Variants in TTC28 observed in about 807,000 individuals in gnomAD.
TTC28 encodes tetratricopeptide repeat protein 28.
Under a neutral mutation model 198.0 loss-of-function variants are expected in TTC28, and 61 were observed. The ratio of observed to expected loss-of-function variants is 0.31; its 90% CI spans 0.25 to 0.38. The LOEUF (loss-of-function observed/expected upper bound fraction) is 0.38, where lower values mean the gene tolerates loss of function less well. TTC28 is among the 10% of genes least tolerant of loss of function. TTC28 has a pLI of 1.00. For missense variants in TTC28, 2,678 were observed against 3,164.0 expected (o/e 0.85, Z 3.69); for synonymous variants, 1,171 against 1,297.8 (o/e 0.90, Z 2.10).
chr22:28,091,931 C>T (rs1291474724), intron 12 of TTC28, among the ~76,000 whole-genome samples: 1 of 151,968 alleles, frequency 6.6e-6, no homozygotes, highest in African/African-American at 2.4e-5. Context: ...TAGAGGCTTC[C>T]TTAAGGAGAG....
Position 28,108,341 on chromosome 22 carries a change from A to T in TTC28, c.1504T>A (p.Cys502Ser). Residue 502 changes from cysteine (C) to serine (S), a missense_variant, in exon 7 of 23, where the codon TGC becomes AGC. By Grantham distance (112) the Cys-to-Ser change is moderately radical. This residue lies in a region of TTC28 where 775 missense variants were observed against 845.9 expected (regional missense o/e 0.92). Transcript: ENST00000397906. Reference protein sequence around the residue: ...TALKLHKTHLCIAQELSDYAA... With the variant: ...TALKLHKTHLSIAQELSDYAA... ...TAATCACTCAGCTCCTGGGCAATGCACAGGTGGGTCTTGTGGAGTTTCAGT... is the reference window on the plus strand; with the variant it reads ...TAATCACTCAGCTCCTGGGCAATGCTCAGGTGGGTCTTGTGGAGTTTCAGT... 1 of 1,507,034 alleles carries T rather than the reference A, an allele frequency of 6.6e-7. No homozygotes were observed. The highest frequency in any genetic ancestry group is 8.9e-7 in the Non-Finnish European group (1 of 1,120,478). 93.4% of individuals were successfully genotyped at this position (1,507,034 alleles called of 1,614,324 possible).
intron 4 of TTC28, 129 bp downstream of exon 4, chr22:28,297,451 C>T (rs1356930396): frequency 2.6e-6 from 3 of 1,160,328 alleles, no homozygotes; most frequent in African/African-American, 1.6e-5. Context: ...GCAATCCTCC[C>T]AAAGCACTGG....
chr22:28,364,394 C>T (rs951775158), intron 2 of TTC28, among the ~76,000 whole-genome samples: 2 of 152,086 alleles, frequency 1.3e-5, no homozygotes, highest in Non-Finnish European at 2.9e-5. Context: ...TTGTAAATTG[C>T]CCAGTCTCAG....
At chr22:28,247,894 A>G (rs1355400909) in intron 5 of TTC28, among the ~76,000 whole-genome samples, 1 of 152,176 alleles carries the variant, frequency 6.6e-6, no homozygotes, top group Non-Finnish European at 1.5e-5. Context: ...TGAGTCATTG[A>G]AGGGTTTAAG....
chr22:28,102,547 C>T (rs1041319196), intron 8 of TTC28, among the ~76,000 whole-genome samples: 4 of 152,144 alleles, frequency 2.6e-5, no homozygotes, highest in Non-Finnish European at 5.9e-5. Context: ...CATTATCCTG[C>T]TCACTGTACA....
intron 2 of TTC28, among the ~76,000 whole-genome samples, chr22:28,433,385 C>G (rs2047464032): frequency 6.6e-6 from 1 of 152,002 alleles, no homozygotes; most frequent in African/African-American, 2.4e-5. Flanking sequence ...CTTAAAGTAC[C>G]CAGGTCAAGA....
intron 2 of TTC28, among the ~76,000 whole-genome samples, chr22:28,554,896 T>G (rs1008863227): frequency 6.6e-6 from 1 of 151,698 alleles, no homozygotes; most frequent in Non-Finnish European, 1.5e-5. Context: ...AAGAAAGAAA[T>G]AATCAGCAAA....
chr22:28,131,076 C>T (rs1467935017), intron 6 of TTC28, among the ~76,000 whole-genome samples: 1 of 152,144 alleles, frequency 6.6e-6, no homozygotes, highest in Admixed American at 6.5e-5. Context: ...GTGATGCCTA[C>T]TATGGAAGCA....
At chr22:28,525,277 C>T (rs2881496) in intron 2 of TTC28, among the ~76,000 whole-genome samples, 2 of 152,004 alleles carry the variant, frequency 1.3e-5, no homozygotes, top group African/African-American at 4.8e-5. Flanking sequence ...CTCAGCCTCT[C>T]GAGTAGCTAG....
At chr22:28,060,261 C>T (rs1488245630) in intron 12 of TTC28, among the ~76,000 whole-genome samples, 7 of 152,142 alleles carry the variant, frequency 4.6e-5, no homozygotes, top group South Asian at 2.1e-4. Flanking sequence ...CCCAACCCCA[C>T]GACAGGCTCC....
At chr22:28,466,818 C>CAT (rs1159914707) in intron 2 of TTC28, among the ~76,000 whole-genome samples, 1 of 118,428 alleles carries the variant, frequency 8.4e-6, no homozygotes, top group South Asian at 3.6e-4. Context: ...TATATACATA[C>CAT]ATACACACAC....
In TTC28 at chr22:27,982,264, T is replaced by G. The variant is rs1435449943; in HGVS notation, c.7403A>C (p.Lys2468Thr). 1 of 1,475,140 alleles carries G rather than the reference T, an allele frequency of 6.8e-7. No homozygotes were observed. The highest frequency in any genetic ancestry group is 2.5e-5 in the East Asian group (1 of 40,346). The allele number at this position is 1,475,140 out of a possible 1,614,324, so 91.4% of individuals were successfully genotyped here. The change falls in exon 23 of 23, where the codon AAG (lysine) becomes ACG (threonine). Residue 2468 changes from lysine (K) to threonine (T), a missense_variant. Transcript: ENST00000397906. This position sits in a 1 kb window ranked among gnomAD's most constrained non-coding sequence, Gnocchi z 5.2. The part of the protein sequence containing the change: ...PLRLPSGNGY[K>T]FLSPGRFFPS... ...GAAAAATCTTCCTGGAGACAGGAAC[T>G]TGTAGCCATTTCCAGAAGGAAGCCT...
intron 5 of TTC28, among the ~76,000 whole-genome samples, chr22:28,252,478 G>A (rs536865177): frequency 6.6e-6 from 1 of 152,296 alleles, no homozygotes; most frequent in Admixed American, 6.5e-5. Context: ...TGCAAATGGT[G>A]TTGTCTCATC....
intron 2 of TTC28, among the ~76,000 whole-genome samples, chr22:28,377,258 TAA>T (rs749519272): frequency 7.2e-6 from 1 of 138,748 alleles, no homozygotes; most frequent in African/African-American, 2.6e-5. Context: ...ATTCTAAAGT[TAA>T]AAAAAAAAAA....
chr22:28,192,455 T>C (rs112642771), intron 5 of TTC28, among the ~76,000 whole-genome samples: 5,591 of 152,172 alleles, frequency 0.037, 341 homozygotes, highest in African/African-American at 0.13. Flanking sequence ...CTTTGACGAG[T>C]TGAGAGAAGA....
chr22:28,249,868 C>T (rs1930394634), intron 5 of TTC28, among the ~76,000 whole-genome samples: 1 of 152,190 alleles, frequency 6.6e-6, no homozygotes, highest in African/African-American at 2.4e-5. Flanking sequence ...GAGGTCGGGC[C>T]TGAAGACCAG....
intron 1 of TTC28, among the ~76,000 whole-genome samples, chr22:28,660,014 T>C (rs962881994): frequency 1.1e-4 from 17 of 152,064 alleles, no homozygotes; most frequent in Middle Eastern, 3.4e-3. Flanking sequence ...AGGCTGACCT[T>C]GAACTCCTGG....
chr22:28,540,849 T>C (rs997250489), intron 2 of TTC28, among the ~76,000 whole-genome samples: 3 of 152,184 alleles, frequency 2.0e-5, no homozygotes, highest in South Asian at 2.1e-4. Flanking sequence ...TTTGAATATG[T>C]CTAAAACTAC....
chr22:28,333,804 C>T (rs1205053302), intron 2 of TTC28, among the ~76,000 whole-genome samples: 3 of 151,734 alleles, frequency 2.0e-5, no homozygotes, highest in Non-Finnish European at 4.4e-5. Context: ...AATTTTGTAC[C>T]GAACTTGTGA....
Sources: allele counts gnomAD v4.1 joint callset (sites outside exome capture counted in the v4.1 genomes callset), GRCh38; gene constraint gnomAD v4.1.1; regional missense constraint gnomAD v4.1.1; non-coding constraint Gnocchi (gnomAD v3.1); transcripts MANE v1.5; gene names NCBI Gene and HGNC (gene_info 2026-07-23, HGNC 2026-07-21).